The following SESTD1 variants were observed in gnomAD, a reference collection of about 807,000 sequenced individuals.
SESTD1 encodes SEC14 domain and spectrin repeat-containing protein 1.
In SESTD1, 43 loss-of-function variants were observed where a neutral mutation model predicts 101.7. The observed-to-expected ratio is 0.42, with a 90% CI of 0.33 to 0.55. SESTD1 has a LOEUF of 0.55. SESTD1 is among the 20% of genes least tolerant of loss of function. SESTD1 has a pLI of 0.07. For synonymous variants in SESTD1, 283 were observed against 286.8 expected (o/e 0.99, Z 0.13); for missense variants, 647 against 815.1 (o/e 0.79, Z 2.51).
chr2:179,121,906 C>A lies in SESTD1; in HGVS notation c.1306G>T (p.Glu436Ter). The change falls in exon 13 of 18, where the codon GAA becomes TAA. Residue 436 changes from glutamate (E) to a stop codon, truncating the protein, a stop_gained. Coordinates refer to ENST00000428443, the MANE Select transcript of SESTD1 (RefSeq NM_178123.5). LOFTEE classifies it high-confidence loss of function. ...TGATCCAGGAGACCTTGACCTTTTT[C>A]ACGCAAACCTTGCAATCCCACATCT... ...SVDVGLQGLR[E>*]KGQGLLDQIS... 6.2e-7 allele frequency: 1 copy of A among 1,604,164 alleles called. No individual in the cohort carries two copies. The highest frequency in any genetic ancestry group is 8.5e-7 in the Non-Finnish European group (1 of 1,176,748).
At chr2:179,123,916 G>C in intron 11 of SESTD1, 87 bp from the exon 12 acceptor site, 1 of 940,830 alleles carries the variant, frequency 1.1e-6, no homozygotes, top group Non-Finnish European at 1.7e-6. Flanking sequence ...ATCTAATGAG[G>C]TTATCACAAT....
At position 179,197,046 on chromosome 2, in the gene SESTD1, A is replaced by G. The variant is rs942784669; in HGVS notation, c.-25-5180T>C. Among the ~76,000 whole-genome samples, 7 of 152,298 alleles carry G rather than the reference A, an allele frequency of 4.6e-5. No individual in the cohort carries two copies. The South Asian group carries it at 6.2e-4, about 14-fold the overall frequency. On this transcript the variant is annotated intron_variant, in intron 1 of 17. Transcript: ENST00000428443. The stretch of plus-strand genomic sequence containing the variant: ...AGGACATGCAAACCAAAGGCAAAGA[A>G]GTTGAAAACTTTGAAAAAAATTTAG...
chr2:179,104,483 G>C lies in SESTD1; in HGVS notation c.*5416C>G, dbSNP rs1388925135. ...AAGAAGTGAGGCTTGGTCATAAATAGTGAGTGGTCTACTGTGTTCTGAGTG... is the reference window on the plus strand; with the variant it reads ...AAGAAGTGAGGCTTGGTCATAAATACTGAGTGGTCTACTGTGTTCTGAGTG... On this transcript the variant is annotated 3_prime_UTR_variant, in exon 18 of 18. Coordinates refer to ENST00000428443, the MANE Select transcript of SESTD1 (RefSeq NM_178123.5). The C allele has an allele frequency of 4.6e-5, 7 of 152,112 alleles. No homozygotes were observed. Among genetic ancestry groups the C allele is most frequent in the African/African-American group, 1.7e-4 (7 of 41,416 alleles). 9.4% of individuals were successfully genotyped at this position (152,112 alleles called of 1,614,324 possible).
At chr2:179,161,683 T>C (rs2045739779) in intron 5 of SESTD1, among the ~76,000 whole-genome samples, 1 of 152,000 alleles carries the variant, frequency 6.6e-6, no homozygotes, top group African/African-American at 2.4e-5. Context: ...AAAGGTATTA[T>C]GCCATCAAAA....
chr2:179,158,382 T>G (rs974204446), intron 5 of SESTD1, among the ~76,000 whole-genome samples: 1 of 152,198 alleles, frequency 6.6e-6, no homozygotes, highest in Admixed American at 6.5e-5. Context: ...TCTACTTTTA[T>G]AGTTCCTAAA....
intron 1 of SESTD1, among the ~76,000 whole-genome samples, chr2:179,222,378 T>C (rs969406966): frequency 2.6e-5 from 4 of 152,140 alleles, no homozygotes; most frequent in African/African-American, 9.7e-5. Context: ...AGTGAGCAAA[T>C]TTGTATATAT....
chr2:179,106,545 T>A lies in SESTD1; in HGVS notation c.*3354A>T, dbSNP rs766088432. 1.3e-5 allele frequency: 2 copies of A among 152,202 alleles called. No homozygotes were observed. Among genetic ancestry groups the A allele is most frequent in the Non-Finnish European group, 2.9e-5 (2 of 68,032 alleles). 9.4% of individuals were successfully genotyped at this position (152,202 alleles called of 1,614,324 possible). A position where few individuals can be genotyped will look rare whatever the true frequency, so the allele number is the denominator to read the frequency against. ...TGTTAGTAAGGTAACTTAATTGTCA[T>A]GCTCACGCTAAGGAGTACGACACTA... On this transcript the variant is annotated 3_prime_UTR_variant, in exon 18 of 18. Coordinates refer to ENST00000428443, the MANE Select transcript of SESTD1 (RefSeq NM_178123.5).
intron 1 of SESTD1, among the ~76,000 whole-genome samples, chr2:179,235,171 TACTG>T (rs2047048752): frequency 6.6e-6 from 1 of 152,178 alleles, no homozygotes; most frequent in Admixed American, 6.5e-5. Flanking sequence ...AACTTCCTGA[TACTG>T]ACGATTATAT....
rs11899191 is a variant in SESTD1, at chr2:179,191,365, G to A, written c.55+422C>T. 3.7e-3 allele frequency among the ~76,000 whole-genome samples: 560 copies of A among 152,206 alleles called. 2 individuals are homozygous for A. The highest frequency in any genetic ancestry group is 0.013 in the African/African-American group (530 of 41,532). On this transcript the variant is annotated intron_variant, in intron 2 of 17. Transcript: ENST00000428443. ...ATATTGCACATTCTCATTTGTAAGA[G>A]GGAGCCAAACATTGGGCACACATGG...
In SESTD1 at chr2:179,213,516, C is replaced by T. The variant is rs1235255438; in HGVS notation, c.-25-21650G>A. On this transcript the variant is annotated intron_variant, in intron 1 of 17. Transcript: ENST00000428443. ...GGACTATGTGAAAAGACCAAATCTA[C>T]GTTTGATTGGTGTACCTGAAAGTGA... Among the ~76,000 whole-genome samples, 5 of 135,076 alleles carry T rather than the reference C, an allele frequency of 3.7e-5. 1 individual carries two copies. The highest frequency in any genetic ancestry group is 1.5e-4 in the African/African-American group (5 of 34,174). 88.6% of individuals were successfully genotyped at this position (135,076 alleles called of 152,430 possible).
intron 2 of SESTD1, among the ~76,000 whole-genome samples, chr2:179,187,629 G>A (rs2105492572): frequency 6.6e-6 from 1 of 152,152 alleles, no homozygotes; most frequent in South Asian, 2.1e-4. Flanking sequence ...ACGAGATCCT[G>A]TCTCAAACAA....
At chr2:179,190,854 T>C (rs985266166) in intron 2 of SESTD1, among the ~76,000 whole-genome samples, 1 of 152,144 alleles carries the variant, frequency 6.6e-6, no homozygotes, top group Non-Finnish European at 1.5e-5. Flanking sequence ...ATGTCTATTA[T>C]TAAAAAGTCA....
chr2:179,228,585 A>G (rs981742234), intron 1 of SESTD1, among the ~76,000 whole-genome samples: 8 of 152,226 alleles, frequency 5.3e-5, no homozygotes, highest in African/African-American at 9.6e-5. Context: ...GGCCGTTGGC[A>G]TTATACGGAC....
chr2:179,116,570 T>C (rs1341423829), intron 15 of SESTD1, 98 bp downstream of exon 15: 1 of 1,581,298 alleles, frequency 6.3e-7, no homozygotes, highest in Non-Finnish European at 8.7e-7. Flanking sequence ...ATAACAAAAC[T>C]AACCTTCTTG....
intron 5 of SESTD1, among the ~76,000 whole-genome samples, chr2:179,161,648 G>A (rs1240727859): frequency 2.7e-5 from 4 of 147,600 alleles, no homozygotes; most frequent in African/African-American, 1.0e-4. Flanking sequence ...GCAACACAGT[G>A]AGACTCCGTC....
chr2:179,155,814 T>C (rs979714650), intron 5 of SESTD1, among the ~76,000 whole-genome samples: 1 of 152,170 alleles, frequency 6.6e-6, no homozygotes, highest in Non-Finnish European at 1.5e-5. Flanking sequence ...TAGTGGTGAT[T>C]TGTGAGATTT....
At chr2:179,144,711 T>C (rs905995003) in intron 8 of SESTD1, among the ~76,000 whole-genome samples, 5 of 152,066 alleles carry the variant, frequency 3.3e-5, no homozygotes, top group African/African-American at 7.2e-5. Flanking sequence ...GGTTTGGAGG[T>C]ATTTCTAATT....
intron 2 of SESTD1, among the ~76,000 whole-genome samples, chr2:179,185,749 A>G (rs1417983388): frequency 7.8e-6 from 1 of 128,980 alleles, no homozygotes; most frequent in Admixed American, 8.3e-5. Flanking sequence ...AATATAGTAT[A>G]TTATATACAA....
intron 1 of SESTD1, among the ~76,000 whole-genome samples, chr2:179,256,701 A>G (rs906028194): frequency 1.1e-4 from 17 of 151,522 alleles, no homozygotes; most frequent in African/African-American, 4.1e-4. Context: ...AGTCCCAGCT[A>G]CTCGGGAAGC....
Sources: gnomAD v4.1 joint callset for allele counts (sites outside exome capture counted in the v4.1 genomes callset) on GRCh38, gnomAD v4.1.1 for gene constraint, MANE v1.5 for transcripts, NCBI Gene and HGNC (gene_info 2026-07-23, HGNC 2026-07-21) for gene names.